Variants in ATM observed in about 807,000 individuals in gnomAD.
ATM encodes the protein ATM serine/threonine kinase.
Under a neutral mutation model 387.0 loss-of-function variants are expected in ATM, and 308 were observed. The observed-to-expected ratio is 0.80, with a 90% CI of 0.73 to 0.87. ATM has a LOEUF of 0.87. Ranked by LOEUF, ATM falls within the 40% of genes least tolerant of loss-of-function variation. ATM has a pLI of 0.00. For synonymous variants in ATM, 1,156 were observed against 1,187.3 expected (o/e 0.97, Z 0.54); for missense variants, 3,312 against 3,560.9 (o/e 0.93, Z 1.78).
intron 1 of ATM, chr11:108,223,649 G>GAGTTAAGATAATCTTGACTT (rs2078597764): frequency 6.6e-6 from 1 of 152,186 alleles, no homozygotes; most frequent in Admixed American, 6.5e-5. Context: ...CTTGACCTGT[G>GAGTTAAGATAATCTTGACTT]GTGAGCACTC....
chr11:108,226,286 A>T (rs924592471), intron 1 of ATM: 1 of 152,146 alleles, frequency 6.6e-6, no homozygotes, highest in African/African-American at 2.4e-5. Context: ...CCTTCAAGCC[A>T]TACCTCCCTT....
At chr11:108,245,299 TA>T (rs2079790451) in intron 7 of ATM, among the ~76,000 whole-genome samples, 2 of 152,208 alleles carry the variant, frequency 1.3e-5, no homozygotes, top group African/African-American at 4.8e-5. Flanking sequence ...AGGAGCTACT[TA>T]TGCATCAATA....
At chr11:108,308,096 T>A (rs1471771256) in intron 38 of ATM, 112 bp downstream of exon 38, 1 of 1,008,314 alleles carries the variant, frequency 9.9e-7, no homozygotes, top group Non-Finnish European at 1.5e-6. Context: ...AGTGTTATAT[T>A]TAATTTGTGT....
chr11:108,234,211 C>CCATA, intron 4 of ATM, among the ~76,000 whole-genome samples: 1 of 152,166 alleles, frequency 6.6e-6, no homozygotes, highest in South Asian at 2.1e-4. Context: ...ATGAAGTGAG[C>CCATA]CATAAGTGAA....
intron 5 of ATM, chr11:108,236,580 G>A (rs1462360892): frequency 6.6e-6 from 1 of 152,014 alleles, no homozygotes; most frequent in Non-Finnish European, 1.5e-5. Flanking sequence ...AAGTTCAAAG[G>A]GGCGTGGCCA....
At chr11:108,247,721 G>A (rs958468701) in intron 8 of ATM, among the ~76,000 whole-genome samples, 8 of 151,894 alleles carry the variant, frequency 5.3e-5, no homozygotes, top group African/African-American at 1.2e-4. Context: ...TCAGCCTCCC[G>A]AGTAGCTGGG....
chr11:108,291,723 G>A (rs61915064), intron 29 of ATM, among the ~76,000 whole-genome samples: 1 of 152,192 alleles, frequency 6.6e-6, no homozygotes, highest in Non-Finnish European at 1.5e-5. Context: ...GAGGAAGCAT[G>A]AGAGGAGAAA....
At chr11:108,228,577 G>A (rs1160095400) in intron 3 of ATM, among the ~76,000 whole-genome samples, 1 of 152,178 alleles carries the variant, frequency 6.6e-6, no homozygotes, top group African/African-American at 2.4e-5. Context: ...GACAGATTCT[G>A]TTTTATTTTT....
intron 59 of ATM, among the ~76,000 whole-genome samples, chr11:108,350,284 T>G (rs1293296768): frequency 1.3e-5 from 2 of 152,128 alleles, no homozygotes; most frequent in South Asian, 4.1e-4. Flanking sequence ...ACAAGGAGAT[T>G]TGAAGCACTG....
At chr11:108,267,464 A>ATTGTTC in intron 17 of ATM, 122 bp downstream of exon 17, 1 of 811,602 alleles carries the variant, frequency 1.2e-6, no homozygotes, top group Non-Finnish European at 2.0e-6. Context: ...GCCTTTTAGG[A>ATTGTTC]TTGTTCCTTT....
chr11:108,341,506 G>A lies in ATM; in HGVS notation c.8269-1716G>A, dbSNP rs1263837557. The stretch of plus-strand genomic sequence containing the variant: ...TGTTCTCAGTGCCCTAGCCCTGTGT[G>A]TAACATGTAATACGCCCCCAACAAA... On this transcript the variant is annotated intron_variant, in intron 56 of 62. Transcript: ENST00000675843. 3.3e-5 allele frequency among the ~76,000 whole-genome samples: 5 copies of A among 152,162 alleles called. No homozygotes were observed. The East Asian group carries it at 9.7e-4, about 29-fold the overall frequency.
At position 108,326,154 on chromosome 11, in the gene ATM, A is replaced by G. The variant is rs2085658893; in HGVS notation, c.6904A>G (p.Lys2302Glu). The G allele has an allele frequency of 6.2e-7, 1 of 1,614,202 alleles. No homozygotes were observed. The highest frequency in any genetic ancestry group is 1.1e-5 in the South Asian group (1 of 91,088). The change falls in exon 47 of 63, where the codon AAA becomes GAA. Residue 2302 changes from lysine to glutamate, a missense_variant. Physicochemically the swap from Lys to Glu is moderately conservative, Grantham distance 56 (BLOSUM62 1). This residue lies in a region of ATM where 1,405 missense variants were observed against 1,604.4 expected (regional missense o/e 0.88). Transcript: ENST00000675843. ...QLEEAQVFWA[K>E]KEQSLALSIL... is the part of the protein sequence containing the mutation. The stretch of plus-strand genomic sequence containing the variant: ...GGAAGAAGCACAAGTATTCTGGGCA[A>G]AAAAGGAGCAGAGTCTTGCCCTGAG...
rs77328240 is a variant in ATM, at chr11:108,239,793, C to G, written c.496+3959C>G. 4.1e-3 allele frequency among the ~76,000 whole-genome samples: 623 copies of G among 152,326 alleles called. 8 individuals are homozygous for G. The highest frequency in any genetic ancestry group is 0.013 in the African/African-American group (549 of 41,562). ...GGGTTCCAGTTTCTCTACATTCTCA[C>G]TAGCACAACTAATAGAAAATGAGGA... On this transcript the variant is annotated intron_variant, in intron 5 of 62. Transcript: ENST00000675843.
intron 5 of ATM, among the ~76,000 whole-genome samples, chr11:108,239,073 A>T (rs2079435807): frequency 6.6e-6 from 1 of 152,158 alleles, no homozygotes; most frequent in Non-Finnish European, 1.5e-5. Flanking sequence ...AATTATGTTG[A>T]AATCTAACTC....
At chr11:108,349,660 C>CA (rs979098864) in intron 59 of ATM, among the ~76,000 whole-genome samples, 15 of 149,718 alleles carry the variant, frequency 1.0e-4, no homozygotes, top group East Asian at 5.9e-4. Context: ...AAGACTGTCT[C>CA]AAAAAAAAAG....
intron 29 of ATM, among the ~76,000 whole-genome samples, chr11:108,291,372 A>T (rs1049001329): frequency 1.3e-5 from 2 of 152,172 alleles, no homozygotes; most frequent in Non-Finnish European, 2.9e-5. Flanking sequence ...ATAACATAAA[A>T]TTTTTTATTT....
chr11:108,285,512 T>G (rs1299762868), intron 26 of ATM, among the ~76,000 whole-genome samples: 1 of 152,222 alleles, frequency 6.6e-6, no homozygotes, highest in Non-Finnish European at 1.5e-5. Context: ...ATAAAAAAGC[T>G]GTGGTCACCC....
chr11:108,369,091 TCTAAAAGCATATA>T (rs1186003088), exon 63 of ATM: 7 of 170,234 alleles, frequency 4.1e-5, no homozygotes, highest in Middle Eastern at 2.4e-3. Context: ...AATAAATAAT[TCTAAAAGCATATA>T]CTAAGACTCA....
At chr11:108,334,040 AT>A in intron 54 of ATM, 72 bp downstream of exon 54, 1 of 1,219,438 alleles carries the variant, frequency 8.2e-7, no homozygotes, top group Non-Finnish European at 1.2e-6. Context: ...TTGAAATAGT[AT>A]TTTTATGTAG....
Sources: allele counts gnomAD v4.1 joint callset (sites outside exome capture counted in the v4.1 genomes callset), GRCh38; gene constraint gnomAD v4.1.1; regional missense constraint gnomAD v4.1.1; transcripts MANE v1.5; gene names NCBI Gene and HGNC (gene_info 2026-07-23, HGNC 2026-07-21).